D2HGDH: variants seen among roughly 807,000 people sequenced by gnomAD.
D2HGDH encodes D-2-hydroxyglutarate dehydrogenase, mitochondrial.
A neutral mutation model predicts 46.9 loss-of-function variants in D2HGDH; 31 were observed. The ratio of observed to expected loss-of-function variants is 0.66; its 90% CI spans 0.50 to 0.89. The LOEUF is 0.89. Ranked by LOEUF, D2HGDH falls within the 40% of genes least tolerant of loss-of-function variation. The pLI is 0.00. For missense variants in D2HGDH, 698 were observed against 720.8 expected (o/e 0.97, Z 0.36); for synonymous variants, 364 against 332.6 (o/e 1.09, Z -1.03).
rs147852951 is a variant in D2HGDH, at chr2:241,744,518, C to T, written c.685-191C>T. 9.2e-3 allele frequency among the ~76,000 whole-genome samples: 1,407 copies of T among 152,290 alleles called. 25 individuals carry two copies. Among genetic ancestry groups the T allele is most frequent in the African/African-American group, 0.033 (1,357 of 41,564 alleles). ...TCCCAGGGAGCCTCCCCACTGCCCC[C>T]GACCCCGGGCGTGCCCCCTGGGCAG... On this transcript the variant is annotated intron_variant, in intron 5 of 9. Transcript: ENST00000321264.
chr2:241,754,508 A>T (rs1450278556), intron 8 of D2HGDH: 1 of 152,030 alleles, frequency 6.6e-6, no homozygotes, highest in Non-Finnish European at 1.5e-5. Context: ...GAAATGCGGG[A>T]ATTTTGGGCG....
chr2:241,739,491 G>T (rs866554968), intron 2 of D2HGDH, among the ~76,000 whole-genome samples: 13 of 152,240 alleles, frequency 8.5e-5, no homozygotes, highest in African/African-American at 2.9e-4. Context: ...GACATAAGTG[G>T]CTTTCTGATC....
rs144105214 is a variant in D2HGDH at position 241,751,669 on chromosome 2, C to T, written c.1140+281C>T. Among the ~76,000 whole-genome samples, 337 of 152,374 alleles carry T rather than the reference C, an allele frequency of 2.2e-3. 1 individual carries two copies. The highest frequency in any genetic ancestry group is 7.9e-3 in the African/African-American group (327 of 41,580). On this transcript the variant is annotated intron_variant, in intron 8 of 9. Coordinates refer to ENST00000321264, the MANE Select transcript of D2HGDH (RefSeq NM_152783.5). ...AAGGGGACTGCCCCATTGCTGGTCC[C>T]CTGCAGCCTGTGGTTAAGCGGCCAG...
chr2:241,736,804 G>A (rs1432227604), intron 2 of D2HGDH, among the ~76,000 whole-genome samples: 2 of 152,028 alleles, frequency 1.3e-5, no homozygotes, highest in African/African-American at 2.4e-5. Flanking sequence ...GGGATTACAG[G>A]TGCCCGCCAC....
Position 241,743,510 on chromosome 2 carries a change from G to A in D2HGDH, c.491-112G>A. ...GCCTCTTCTCCTCAGCCCTGGCGCT[G>A]AGGCTGATGTTCCTTCTGGGTGGCT... On this transcript the variant is annotated intron_variant, in intron 4 of 9. Coordinates refer to ENST00000321264, the MANE Select transcript of D2HGDH (RefSeq NM_152783.5). The surrounding 1 kb of genome is among the most constrained non-coding windows in gnomAD (Gnocchi z 4.8). 1 of 1,269,230 alleles carries A rather than the reference G, an allele frequency of 7.9e-7. No homozygotes were observed. The highest frequency in any genetic ancestry group is 1.1e-6 in the Non-Finnish European group (1 of 903,048). The allele number at this position is 1,269,230 out of a possible 1,614,324, so 78.6% of individuals were successfully genotyped here.
At chr2:241,762,708 G>A (rs1698940501) in intron 9 of D2HGDH, among the ~76,000 whole-genome samples, 1 of 152,178 alleles carries the variant, frequency 6.6e-6, no homozygotes, top group Non-Finnish European at 1.5e-5. Flanking sequence ...TCTCTGCCGT[G>A]TGTGATCGGC....
At chr2:241,739,224 A>G (rs563858443) in intron 2 of D2HGDH, among the ~76,000 whole-genome samples, 29 of 152,232 alleles carry the variant, frequency 1.9e-4, no homozygotes, top group African/African-American at 7.0e-4. Context: ...TTCTGTGCTC[A>G]TTCTGTGTCT....
At chr2:241,749,872 G>T in intron 6 of D2HGDH, 1 of 489,440 alleles carries the variant, frequency 2.0e-6, no homozygotes, top group African/African-American at 1.9e-5. Flanking sequence ...CTGATCTGAT[G>T]CTGGTGGTGA....
intron 2 of D2HGDH, among the ~76,000 whole-genome samples, chr2:241,739,641 C>T (rs528917015): frequency 1.5e-4 from 23 of 152,362 alleles, no homozygotes; most frequent in South Asian, 8.3e-4. Context: ...GGCAGAAAGA[C>T]GCCTGCTCAC....
intron 6 of D2HGDH, among the ~76,000 whole-genome samples, chr2:241,748,488 G>A (rs564232623): frequency 6.6e-6 from 1 of 152,214 alleles, no homozygotes. Context: ...ACTGGGTCAC[G>A]TGGCCTAGCC....
intron 6 of D2HGDH, chr2:241,749,293 G>T: frequency 4.7e-6 from 6 of 1,287,958 alleles, no homozygotes; most frequent in Non-Finnish European, 6.1e-6. Context: ...GTGTCACCCA[G>T]TGCAGGTGTC....
Position 241,768,208 on chromosome 2 carries a change from C to T in D2HGDH, c.*239C>T. ...CAGGGCGAGGTGGGGCCTCTGCAGC[C>T]ATCCTGGACAGGCCGGGGTGGCGGC... is the stretch of plus-strand genomic sequence containing the variant. On this transcript the variant is annotated 3_prime_UTR_variant, in exon 10 of 10. Coordinates refer to ENST00000321264, the MANE Select transcript of D2HGDH (RefSeq NM_152783.5). The T allele has an allele frequency of 1.6e-6, 1 of 641,436 alleles. No individual in the cohort carries two copies. The highest frequency in any genetic ancestry group is 3.1e-5 in the Admixed American group (1 of 32,650). 39.7% of individuals were successfully genotyped at this position (641,436 alleles called of 1,614,324 possible).
chr2:241,756,063 C>G (rs113192284), intron 9 of D2HGDH, 49 bp downstream of exon 9: 1 of 1,550,088 alleles, frequency 6.5e-7, no homozygotes, highest in African/African-American at 1.4e-5. Flanking sequence ...GGTGGTGGGC[C>G]CCACGGTCAC....
rs754035430 is a variant in D2HGDH, at chr2:241,743,661, T to G, written c.530T>G (p.Leu177Arg). The G allele has an allele frequency of 1.2e-6, 2 of 1,613,850 alleles. No individual in the cohort carries two copies. The highest frequency in any genetic ancestry group is 1.3e-5 in the African/African-American group (1 of 74,914). The change falls in exon 5 of 10, where the codon CTG (leucine) becomes CGG (arginine). Residue 177 changes from leucine (L) to arginine (R), a missense_variant. Coordinates refer to ENST00000321264, the MANE Select transcript of D2HGDH (RefSeq NM_152783.5). This position sits in a 1 kb window ranked among gnomAD's most constrained non-coding sequence, Gnocchi z 4.8. ...VCQAGCVLEE[L>R]SRYVEERDFI... ...CAGGCGGGCTGCGTCCTGGAGGAGC[T>G]GAGCCGGTATGTGGAGGAACGGGAC...
intron 9 of D2HGDH, among the ~76,000 whole-genome samples, chr2:241,763,552 C>G (rs1699016666): frequency 6.6e-6 from 1 of 152,132 alleles, no homozygotes; most frequent in African/African-American, 2.4e-5. Context: ...CTACTCTAGA[C>G]TTTATAAATG....
intron 2 of D2HGDH, among the ~76,000 whole-genome samples, chr2:241,739,111 C>T (rs751853169): frequency 6.6e-6 from 1 of 152,238 alleles, no homozygotes; most frequent in Non-Finnish European, 1.5e-5. Context: ...CCCCATGGCC[C>T]CCTCCGTCTT....
In D2HGDH at chr2:241,751,286, C is replaced by T. The variant is rs1402945385; in HGVS notation, c.1038C>T (p.Asn346=). 8 of 1,614,012 alleles carry T rather than the reference C, an allele frequency of 5.0e-6. No individual in the cohort carries two copies. Among genetic ancestry groups the T allele is most frequent in the African/African-American group, 2.7e-5 (2 of 75,062 alleles). ...FYVLIETSGS[N]AGHDAEKLGH... is the part of the protein sequence containing the mutation. The stretch of plus-strand genomic sequence containing the variant: ...TCCTCATCGAGACTTCAGGCTCCAA[C>T]GCAGGCCATGACGCTGAGAAGCTGG... The change falls in exon 8 of 10, where the codon AAC becomes AAT. Residue 346 remains asparagine (N), a synonymous_variant. Transcript: ENST00000321264.
intron 9 of D2HGDH, among the ~76,000 whole-genome samples, chr2:241,756,390 G>C (rs1021862295): frequency 4.6e-5 from 7 of 152,350 alleles, no homozygotes; most frequent in Non-Finnish European, 1.0e-4. Context: ...CCTTTGCAGT[G>C]CTTAGCCCCC....
chr2:241,735,665 C>A, intron 2 of D2HGDH, 149 bp downstream of exon 2: 2 of 1,102,316 alleles, frequency 1.8e-6, no homozygotes, highest in Non-Finnish European at 2.6e-6. Context: ...CCACAGGCTG[C>A]TGGAATGAAT....
Sources: allele counts gnomAD v4.1 joint callset (sites outside exome capture counted in the v4.1 genomes callset), GRCh38; gene constraint gnomAD v4.1.1; non-coding constraint Gnocchi (gnomAD v3.1); transcripts MANE v1.5; gene names NCBI Gene and HGNC (gene_info 2026-07-23, HGNC 2026-07-21).